The following FHIT variants were observed in gnomAD, a reference collection of about 807,000 sequenced individuals.
FHIT encodes the protein fragile histidine triad diadenosine triphosphatase.
FHIT carries 19 observed loss-of-function variants against 17.9 expected under a neutral mutation model. That is an observed-to-expected ratio of 1.06 (90% CI 0.74 to 1.56). The LOEUF is 1.56. Ranked by LOEUF, FHIT falls within the 40% of genes most tolerant of loss-of-function variation. FHIT has a pLI of 0.00. For missense variants in FHIT, 248 were observed against 189.2 expected, an observed-to-expected ratio of 1.31 and a Z score of -1.82; for synonymous variants, 81 against 69.7, an observed-to-expected ratio of 1.16 and a Z score of -0.81.
chr3:60,480,320 T>C (rs1192601059), intron 5 of FHIT, among the ~76,000 whole-genome samples: 2 of 152,138 alleles, frequency 1.3e-5, no homozygotes, highest in Non-Finnish European at 2.9e-5. Context: ...AAGAGGAGAT[T>C]TGAATGGCAA....
At chr3:60,917,507 G>T (rs937309771) in intron 3 of FHIT, among the ~76,000 whole-genome samples, 1 of 152,124 alleles carries the variant, frequency 6.6e-6, no homozygotes, top group East Asian at 1.9e-4. Flanking sequence ...CTTTGCCATG[G>T]CTGGCAAGGC....
At chr3:59,816,636 G>A (rs1700609053) in intron 8 of FHIT, among the ~76,000 whole-genome samples, 1 of 152,120 alleles carries the variant, frequency 6.6e-6, no homozygotes, top group African/African-American at 2.4e-5. Flanking sequence ...ATAGAAGGTA[G>A]GAGCAGAGAC....
At chr3:59,852,972 A>G (rs550527117) in intron 8 of FHIT, among the ~76,000 whole-genome samples, 2 of 152,292 alleles carry the variant, frequency 1.3e-5, no homozygotes, top group African/African-American at 4.8e-5. Flanking sequence ...ATTAAGGATA[A>G]GACTGCTATG....
chr3:60,198,666 G>A (rs923121695), intron 5 of FHIT, among the ~76,000 whole-genome samples: 1 of 152,110 alleles, frequency 6.6e-6, no homozygotes, highest in African/African-American at 2.4e-5. Flanking sequence ...TACCATCACC[G>A]TCAACTTATG....
At chr3:60,949,172 A>G (rs1231152026) in intron 3 of FHIT, among the ~76,000 whole-genome samples, 1 of 152,096 alleles carries the variant, frequency 6.6e-6, no homozygotes, top group Non-Finnish European at 1.5e-5. Context: ...TTGCTGACCC[A>G]CTATTCTCAA....
intron 3 of FHIT, among the ~76,000 whole-genome samples, chr3:60,825,680 G>A (rs1235913505): frequency 2.6e-5 from 4 of 152,108 alleles, no homozygotes; most frequent in African/African-American, 7.2e-5. Context: ...TGCTCCTTAT[G>A]ATGAGACCCT....
chr3:60,229,414 T>C (rs1057153871), intron 5 of FHIT, among the ~76,000 whole-genome samples: 2 of 114,288 alleles, frequency 1.7e-5, no homozygotes, highest in African/African-American at 3.5e-5. Flanking sequence ...GAGTGAGACA[T>C]CATCAAAAAG....
chr3:60,709,098 A>G (rs183089018), intron 4 of FHIT, among the ~76,000 whole-genome samples: 57 of 152,314 alleles, frequency 3.7e-4, no homozygotes, highest in African/African-American at 1.3e-3. Flanking sequence ...GAAGGCCCCA[A>G]AGAGTTTGTG....
intron 2 of FHIT, among the ~76,000 whole-genome samples, chr3:61,089,880 A>C (rs2035426194): frequency 6.6e-6 from 1 of 152,216 alleles, no homozygotes; most frequent in Non-Finnish European, 1.5e-5. Context: ...AATGAGTTCC[A>C]CTTATCTGTA....
At chr3:61,160,431 G>A (rs751228525) in intron 2 of FHIT, among the ~76,000 whole-genome samples, 5 of 152,170 alleles carry the variant, frequency 3.3e-5, no homozygotes, top group Admixed American at 2.0e-4. Flanking sequence ...CTCTGTAAGC[G>A]ACAAGGAAAT....
At chr3:60,103,891 T>C (rs1704295683) in intron 5 of FHIT, among the ~76,000 whole-genome samples, 1 of 152,224 alleles carries the variant, frequency 6.6e-6, no homozygotes, top group Admixed American at 6.5e-5. Flanking sequence ...GTGCATAATA[T>C]TGCCACTTCT....
At chr3:60,314,653 C>T (rs1439819997) in intron 5 of FHIT, among the ~76,000 whole-genome samples, 1 of 152,126 alleles carries the variant, frequency 6.6e-6, no homozygotes, top group African/African-American at 2.4e-5. Context: ...TAAAAACTTT[C>T]TAACTGAGAT....
chr3:60,568,159 C>T (rs1309893730), intron 4 of FHIT, among the ~76,000 whole-genome samples: 2 of 152,066 alleles, frequency 1.3e-5, no homozygotes, highest in Non-Finnish European at 2.9e-5. Context: ...CATGCACACA[C>T]ATGTTTATTG....
intron 5 of FHIT, among the ~76,000 whole-genome samples, chr3:60,207,744 T>G (rs1387328394): frequency 1.3e-5 from 2 of 152,200 alleles, no homozygotes; most frequent in Non-Finnish European, 2.9e-5. Flanking sequence ...GTCATTCTGA[T>G]ATGTTTTAGG....
intron 8 of FHIT, among the ~76,000 whole-genome samples, chr3:59,811,911 A>C (rs1411115969): frequency 6.6e-6 from 1 of 152,212 alleles, no homozygotes; most frequent in Non-Finnish European, 1.5e-5. Flanking sequence ...GGATTCCCAC[A>C]GCCTCACAGG....
chr3:60,794,359 G>C (rs1213374312), intron 4 of FHIT, among the ~76,000 whole-genome samples: 4 of 148,528 alleles, frequency 2.7e-5, no homozygotes, highest in Admixed American at 2.7e-4. Context: ...CAAAGAGGAA[G>C]GAAGGGAAGG....
rs1482508781 is a variant in FHIT, at chr3:60,677,640, G to GTA, written c.-17-140662_-17-140661insTA. Among the ~76,000 whole-genome samples, 959 of 151,704 alleles carry GTA rather than the reference G, an allele frequency of 6.3e-3. 10 individuals are homozygous for GTA. The highest frequency in any genetic ancestry group is 0.021 in the African/African-American group (854 of 41,324). ...TATACATATGTATATGTGTATGTGT[G>GTA]TGTGTATATATATACATATGTATAC... On this transcript the variant is annotated intron_variant, in intron 4 of 9. Transcript: ENST00000492590.
At chr3:60,288,082 G>T (rs943373305) in intron 5 of FHIT, among the ~76,000 whole-genome samples, 7 of 152,254 alleles carry the variant, frequency 4.6e-5, no homozygotes, top group African/African-American at 1.4e-4. Flanking sequence ...CTGCAGACTT[G>T]GCTGAAGCTG....
chr3:60,340,689 G>A (rs1462805900), intron 5 of FHIT, among the ~76,000 whole-genome samples: 1 of 152,128 alleles, frequency 6.6e-6, no homozygotes, highest in Admixed American at 6.5e-5. Context: ...TTAACTGTGA[G>A]TGTCCACTTA....
Sources: gnomAD v4.1 joint callset for allele counts (sites outside exome capture counted in the v4.1 genomes callset) on GRCh38, gnomAD v4.1.1 for gene constraint, MANE v1.5 for transcripts, NCBI Gene and HGNC (gene_info 2026-07-23, HGNC 2026-07-21) for gene names.